RNF150: variants seen among roughly 807,000 people sequenced by gnomAD.
RNF150 encodes ring finger protein 150.
In RNF150, 24 loss-of-function variants were observed where a neutral mutation model predicts 39.3. The ratio of observed to expected loss-of-function variants is 0.61; its 90% CI spans 0.44 to 0.86. RNF150 has a LOEUF of 0.86. RNF150 is among the 40% of genes least tolerant of loss of function. The pLI is 0.00. For missense variants in RNF150, 502 were observed against 587.8 expected (o/e 0.85, Z 1.51); for synonymous variants, 255 against 227.3 (o/e 1.12, Z -1.10).
intron 1 of RNF150, among the ~76,000 whole-genome samples, chr4:141,083,221 CA>C (rs1332228008): frequency 2.0e-5 from 3 of 152,166 alleles, no homozygotes; most frequent in Non-Finnish European, 4.4e-5. Context: ...CCCAGAAACT[CA>C]AAAAGCACAC....
At chr4:141,152,121 T>C (rs765872290) in intron 1 of RNF150, among the ~76,000 whole-genome samples, 9 of 152,248 alleles carry the variant, frequency 5.9e-5, no homozygotes, top group African/African-American at 9.6e-5. Flanking sequence ...GAAATTGTGC[T>C]GTGAATCATT....
intron 6 of RNF150, 79 bp downstream of exon 6, chr4:140,911,065 T>C (rs987727663): frequency 4.3e-6 from 5 of 1,162,684 alleles, no homozygotes; most frequent in Non-Finnish European, 6.3e-6. Context: ...TTTTTCTTTT[T>C]GAGGAAAGGT....
chr4:141,011,953 C>A (rs1005312848), intron 1 of RNF150, among the ~76,000 whole-genome samples: 5 of 152,198 alleles, frequency 3.3e-5, no homozygotes, highest in African/African-American at 1.2e-4. Flanking sequence ...TGCTGAAGAA[C>A]AAAGAACACT....
At chr4:141,135,347 A>T (rs1024972360), upstream of RNF150, among the ~76,000 whole-genome samples, 1 of 152,236 alleles carries the variant, frequency 6.6e-6, no homozygotes, top group Non-Finnish European at 1.5e-5. Flanking sequence ...CCTCCACGAA[A>T]AGCAAGCTGG....
At chr4:141,055,991 T>A (rs1272865313) in intron 1 of RNF150, among the ~76,000 whole-genome samples, 1 of 152,200 alleles carries the variant, frequency 6.6e-6, no homozygotes, top group Admixed American at 6.5e-5. Context: ...GTCTAGGTAT[T>A]AACATGCCAG....
chr4:140,882,234 T>C (rs1052684459), intron 6 of RNF150, among the ~76,000 whole-genome samples: 1 of 152,268 alleles, frequency 6.6e-6, no homozygotes, highest in East Asian at 1.9e-4. Context: ...TTAGCCAGGA[T>C]GGTCTCGATC....
At position 141,061,368 on chromosome 4, in the gene RNF150, T is replaced by C. The variant is rs573198091; in HGVS notation, c.484+70957A>G. Reference sequence around the variant, plus strand: ...TCACACATTGGAGATAAATAAAATATACTCTTTAAAAAAGGAATGCTTGGA... The same window carrying C: ...TCACACATTGGAGATAAATAAAATACACTCTTTAAAAAAGGAATGCTTGGA... On this transcript the variant is annotated intron_variant, in intron 1 of 6. Coordinates refer to ENST00000515673, the MANE Select transcript of RNF150 (RefSeq NM_020724.2). Among the ~76,000 whole-genome samples the C allele has an allele frequency of 4.6e-5, 7 of 152,276 alleles. No homozygotes were observed. The South Asian group carries it at 1.5e-3, about 32-fold the overall frequency.
At chr4:141,000,394 G>C (rs141386113) in intron 1 of RNF150, among the ~76,000 whole-genome samples, 2 of 152,296 alleles carry the variant, frequency 1.3e-5, no homozygotes, top group East Asian at 3.9e-4. Flanking sequence ...CCTCAGTAAA[G>C]TTTTTAATCT....
At chr4:140,880,062 T>G (rs991300563) in intron 6 of RNF150, among the ~76,000 whole-genome samples, 6 of 151,394 alleles carry the variant, frequency 4.0e-5, no homozygotes, top group Non-Finnish European at 7.4e-5. Context: ...AGAGTGAGCA[T>G]TCTTGTCTTG....
intron 1 of RNF150, among the ~76,000 whole-genome samples, chr4:141,101,331 T>C (rs1739001099): frequency 1.3e-5 from 2 of 152,174 alleles, no homozygotes; most frequent in South Asian, 4.1e-4. Flanking sequence ...AACTTTCTTG[T>C]TAAAAACAAA....
chr4:141,087,916 G>A lies in RNF150; in HGVS notation c.484+44409C>T, dbSNP rs1485310113. On this transcript the variant is annotated intron_variant, in intron 1 of 6. Transcript: ENST00000515673. The stretch of plus-strand genomic sequence containing the variant: ...TCTGGTAATCAAGGCATCCTCTAGC[G>A]AGTCCCAGCAGTGGCGGGCAATGTC... Among the ~76,000 whole-genome samples, 8 of 151,998 alleles carry A rather than the reference G, an allele frequency of 5.3e-5. No individual in the cohort carries two copies. The East Asian group carries it at 5.8e-4, about 11-fold the overall frequency.
chr4:141,193,062 G>A (rs1464740371), intron 1 of RNF150, among the ~76,000 whole-genome samples: 1 of 152,050 alleles, frequency 6.6e-6, no homozygotes, highest in Non-Finnish European at 1.5e-5. Context: ...ACTCTTCCCT[G>A]CTTTTAGTTT....
chr4:141,087,161 G>C (rs979290336), intron 1 of RNF150, among the ~76,000 whole-genome samples: 2 of 151,692 alleles, frequency 1.3e-5, no homozygotes, highest in African/African-American at 4.8e-5. Flanking sequence ...TCAAGTAGAC[G>C]CCAGTTGTCT....
rs139897922 is a variant in RNF150, at chr4:141,087,318, G to A, written c.484+45007C>T. Among the ~76,000 whole-genome samples the A allele has an allele frequency of 2.5e-3, 378 of 152,268 alleles. 1 individual carries two copies. Among genetic ancestry groups the A allele is most frequent in the Non-Finnish European group, 4.2e-3 (284 of 68,010 alleles). ...ATGTTTCTGCAAAAGACATGACCAT[G>A]GTTTTTATGACTGCATAATATTCCA... is the stretch of plus-strand genomic sequence containing the variant. On this transcript the variant is annotated intron_variant, in intron 1 of 6. Transcript: ENST00000515673.
intron 6 of RNF150, among the ~76,000 whole-genome samples, chr4:140,895,907 A>C (rs1729925552): frequency 1.3e-5 from 2 of 151,852 alleles, no homozygotes; most frequent in Admixed American, 1.3e-4. Context: ...AAAAGAAGAC[A>C]TTTATGCAGC....
At chr4:140,914,914 T>C (rs1386138782) in intron 5 of RNF150, among the ~76,000 whole-genome samples, 1 of 152,202 alleles carries the variant, frequency 6.6e-6, no homozygotes, top group Non-Finnish European at 1.5e-5. Flanking sequence ...ATTTGTCTTA[T>C]ACCATGGGTA....
At chr4:141,141,701 T>A (rs536147387) in intron 1 of RNF150, among the ~76,000 whole-genome samples, 18 of 152,244 alleles carry the variant, frequency 1.2e-4, no homozygotes, top group African/African-American at 4.3e-4. Context: ...ACTCAGTGAC[T>A]GAGGCACCAG....
intron 4 of RNF150, among the ~76,000 whole-genome samples, chr4:140,937,586 T>A (rs1026519118): frequency 2.0e-5 from 3 of 152,050 alleles, no homozygotes; most frequent in Admixed American, 1.3e-4. Flanking sequence ...ATTTCTAAAG[T>A]TTTTAAAAAA....
chr4:141,105,706 T>C (rs1196343865), intron 1 of RNF150, among the ~76,000 whole-genome samples: 1 of 152,314 alleles, frequency 6.6e-6, no homozygotes, highest in Non-Finnish European at 1.5e-5. Context: ...TTCTTTTAGG[T>C]CATCTCCCAT....
Sources: gnomAD v4.1 joint callset for allele counts (sites outside exome capture counted in the v4.1 genomes callset) on GRCh38, gnomAD v4.1.1 for gene constraint, MANE v1.5 for transcripts, NCBI Gene and HGNC (gene_info 2026-07-23, HGNC 2026-07-21) for gene names.